The following ERO1A variants were observed in gnomAD, a reference collection of about 807,000 sequenced individuals.
The protein encoded by ERO1A is ERO1-like protein alpha.
In ERO1A, 49 loss-of-function variants were observed where a neutral mutation model predicts 76.9. That is an observed-to-expected ratio of 0.64 (90% CI 0.51 to 0.81). The LOEUF is 0.81. Among genes scored for constraint, ERO1A ranks in the 30% least tolerant of loss-of-function variants. The pLI, the probability that ERO1A is intolerant of heterozygous loss-of-function variation, is 0.00. For synonymous variants in ERO1A, 174 were observed against 181.2 expected (o/e 0.96, Z 0.32); for missense variants, 448 against 542.1 (o/e 0.83, Z 1.72).
chr14:52,646,413 C>A lies in ERO1A; in HGVS notation c.1174G>T (p.Val392Phe), dbSNP rs2039657146. 6.2e-7 allele frequency: 1 copy of A among 1,613,174 alleles called. No homozygotes were observed. The highest frequency in any genetic ancestry group is 1.3e-5 in the African/African-American group (1 of 74,874). Residue 392 changes from valine (V) to phenylalanine (F), a missense_variant, in exon 14 of 16, where the codon GTT becomes TTT. Coordinates refer to ENST00000395686, the MANE Select transcript of ERO1A (RefSeq NM_014584.3). ...CACAGACGACATTTAAAACAACCAACACAATCCATAATTCTTGAAATATTT... is the reference window on the plus strand; with the variant it reads ...CACAGACGACATTTAAAACAACCAAAACAATCCATAATTCTTGAAATATTT... ...FRNISRIMDC[V>F]GCFKCRLWGK...
chr14:52,658,270 T>C, intron 9 of ERO1A, 120 bp from the exon 10 acceptor site: 1 of 690,340 alleles, frequency 1.4e-6, no homozygotes, highest in Non-Finnish European at 2.5e-6. Flanking sequence ...TTATTTAACC[T>C]AACGGTCCAA....
intron 7 of ERO1A, among the ~76,000 whole-genome samples, 194 bp downstream of exon 7, chr14:52,666,181 G>GA (rs2040403881): frequency 1.3e-5 from 2 of 152,134 alleles, no homozygotes; most frequent in South Asian, 4.1e-4. Context: ...AGGTCTAAAG[G>GA]AAAAATCTGT....
chr14:52,661,420 A>C (rs1249275822), intron 8 of ERO1A, 116 bp from the exon 9 acceptor site: 6 of 709,314 alleles, frequency 8.5e-6, no homozygotes, highest in Non-Finnish European at 1.1e-5. Flanking sequence ...CCAACAGTTC[A>C]TTCACACAAG....
chr14:52,643,065 A>G lies in ERO1A; in HGVS notation c.*505T>C, dbSNP rs2039528833. ...AATATTCCATGTAAAATATTAAAAA[A>G]CTAATTGTTTATCTGAAATTCAAAT... On this transcript the variant is annotated 3_prime_UTR_variant, in exon 16 of 16. Coordinates refer to ENST00000395686, the MANE Select transcript of ERO1A (RefSeq NM_014584.3). 1 of 152,208 alleles carries G rather than the reference A, an allele frequency of 6.6e-6. No individual in the cohort carries two copies. The highest frequency in any genetic ancestry group is 1.5e-5 in the Non-Finnish European group (1 of 68,016). The allele number at this position is 152,208 out of a possible 1,614,324, so 9.4% of individuals were successfully genotyped here.
At chr14:52,662,209 G>A (rs1183147371) in intron 8 of ERO1A, among the ~76,000 whole-genome samples, 2 of 152,106 alleles carry the variant, frequency 1.3e-5, no homozygotes, top group African/African-American at 2.4e-5. Flanking sequence ...TTTATGGTAA[G>A]TGACGTGGTT....
chr14:52,655,282 T>C (rs2040006618), intron 11 of ERO1A, among the ~76,000 whole-genome samples: 1 of 152,090 alleles, frequency 6.6e-6, no homozygotes, highest in Admixed American at 6.6e-5. Flanking sequence ...GGAGAATTGC[T>C]TGAATCCTGG....
chr14:52,652,337 T>G (rs1463876874), intron 12 of ERO1A, 29 bp from the exon 13 acceptor site: 1 of 1,463,198 alleles, frequency 6.8e-7, no homozygotes, highest in Non-Finnish European at 9.6e-7. Context: ...AATATTCATT[T>G]TCATGTGTTA....
chr14:52,688,332 C>T (rs988833381), intron 1 of ERO1A, among the ~76,000 whole-genome samples: 7 of 152,112 alleles, frequency 4.6e-5, no homozygotes, highest in Admixed American at 4.6e-4. Context: ...CAATAGTTAG[C>T]GTGTATGTTC....
At chr14:52,681,884 G>A (rs1284328976) in intron 3 of ERO1A, among the ~76,000 whole-genome samples, 1 of 152,042 alleles carries the variant, frequency 6.6e-6, no homozygotes, top group African/African-American at 2.4e-5. Context: ...CAGAAAAGAT[G>A]TAAGAGGAAA....
At chr14:52,675,575 G>A (rs951452239) in intron 4 of ERO1A, among the ~76,000 whole-genome samples, 8 of 144,334 alleles carry the variant, frequency 5.5e-5, no homozygotes, top group African/African-American at 8.5e-5. Flanking sequence ...GCAGCTGCAC[G>A]TTAAATTGTT....
intron 9 of ERO1A, among the ~76,000 whole-genome samples, chr14:52,659,390 T>C (rs1299684469): frequency 1.3e-5 from 2 of 152,148 alleles, no homozygotes; most frequent in African/African-American, 2.4e-5. Flanking sequence ...ACTACTTATA[T>C]ATAGAAAACA....
intron 6 of ERO1A, among the ~76,000 whole-genome samples, chr14:52,669,038 T>C (rs1448056794): frequency 2.0e-5 from 3 of 152,128 alleles, no homozygotes; most frequent in Non-Finnish European, 4.4e-5. Context: ...GCAAAACCTA[T>C]ATGATATGCT....
intron 6 of ERO1A, among the ~76,000 whole-genome samples, chr14:52,670,201 G>A (rs529925725): frequency 5.3e-5 from 8 of 152,198 alleles, no homozygotes; most frequent in East Asian, 1.9e-4. Flanking sequence ...AGCCAGGCCC[G>A]TTTTCACTAA....
chr14:52,657,979 C>G lies in ERO1A; in HGVS notation c.746G>C (p.Arg249Thr). Reference protein sequence around the residue: ...GLCVEKRAFYRLISGLHASIN... With the variant: ...GLCVEKRAFYTLISGLHASIN... ...GCTTGCATGTAGGCCAGATATAAGT[C>G]TGTAGAATGCTCTTTTTTCTACACA... Residue 249 changes from arginine to threonine, a missense_variant, in exon 11 of 16, where the codon AGA (arginine) becomes ACA (threonine). By Grantham distance (71) the Arg-to-Thr change is moderately conservative. Coordinates refer to ENST00000395686, the MANE Select transcript of ERO1A (RefSeq NM_014584.3). 1 of 1,611,756 alleles carries G rather than the reference C, an allele frequency of 6.2e-7. No homozygotes were observed. The highest frequency in any genetic ancestry group is 1.1e-5 in the South Asian group (1 of 90,308).
intron 4 of ERO1A, among the ~76,000 whole-genome samples, chr14:52,675,660 G>A (rs749867166): frequency 8.6e-5 from 13 of 151,604 alleles, no homozygotes; most frequent in Admixed American, 2.0e-4. Flanking sequence ...TTTGAGACAG[G>A]GTCTCACTCT....
chr14:52,691,720 A>G (rs978626520), intron 1 of ERO1A, among the ~76,000 whole-genome samples: 4 of 152,228 alleles, frequency 2.6e-5, no homozygotes, highest in Non-Finnish European at 4.4e-5. Flanking sequence ...CATTAGCCTG[A>G]CAGAGATTTA....
intron 3 of ERO1A, 116 bp from the exon 4 acceptor site, chr14:52,678,588 T>C: frequency 1.1e-6 from 1 of 872,598 alleles, no homozygotes; most frequent in Non-Finnish European, 1.8e-6. Flanking sequence ...AAGTTGGATT[T>C]TTTAACAGAA....
intron 3 of ERO1A, among the ~76,000 whole-genome samples, 189 bp downstream of exon 3, chr14:52,682,136 G>A (rs369228218): frequency 1.2e-4 from 18 of 152,172 alleles, no homozygotes; most frequent in African/African-American, 4.3e-4. Context: ...GCTCACACCT[G>A]TAATCCCAGC....
chr14:52,693,712 G>C (rs866039123), intron 1 of ERO1A, among the ~76,000 whole-genome samples: 3 of 151,708 alleles, frequency 2.0e-5, no homozygotes, highest in Non-Finnish European at 4.4e-5. Context: ...TGCCCGTGCT[G>C]GTCTTGAACT....
Sources: allele counts gnomAD v4.1 joint callset (sites outside exome capture counted in the v4.1 genomes callset), GRCh38; gene constraint gnomAD v4.1.1; transcripts MANE v1.5; gene names NCBI Gene and HGNC (gene_info 2026-07-23, HGNC 2026-07-21).